Variants in LYN observed in about 807,000 individuals in gnomAD.
LYN encodes LYN proto-oncogene, Src family tyrosine kinase, also known as tyrosine-protein kinase Lyn.
LYN carries 12 observed loss-of-function variants against 65.0 expected under a neutral mutation model. That is an observed-to-expected ratio of 0.18 (90% CI 0.12 to 0.30). The LOEUF (loss-of-function observed/expected upper bound fraction) is 0.30. LYN is among the 10% of genes least tolerant of loss of function. LYN has a pLI of 1.00. For missense variants in LYN, 380 were observed against 623.2 expected (o/e 0.61, Z 4.16); for synonymous variants, 222 against 221.2 (o/e 1.00, Z -0.03).
intron 12 of LYN, among the ~76,000 whole-genome samples, chr8:56,000,466 C>T (rs1409333810): frequency 1.3e-5 from 2 of 151,976 alleles, no homozygotes; most frequent in Middle Eastern, 3.2e-3. Flanking sequence ...CAGTGGCTTA[C>T]ACCTGTAATC....
intron 1 of LYN, among the ~76,000 whole-genome samples, chr8:55,912,657 G>A (rs751691448): frequency 9.9e-5 from 15 of 151,766 alleles, no homozygotes; most frequent in Non-Finnish European, 1.5e-4. Flanking sequence ...AACCTGGGAG[G>A]CAGAGGTTGC....
At chr8:55,990,369 C>T (rs149574097) in intron 10 of LYN, among the ~76,000 whole-genome samples, 8 of 151,276 alleles carry the variant, frequency 5.3e-5, no homozygotes, top group African/African-American at 1.9e-4. Context: ...AGGTTCTTAT[C>T]ATGTAGATGA....
At position 55,989,556 on chromosome 8, in the gene LYN, A is replaced by G. The variant is rs931418079; in HGVS notation, c.1051-8790A>G. Among the ~76,000 whole-genome samples, 4 of 152,164 alleles carry G rather than the reference A, an allele frequency of 2.6e-5. No individual in the cohort carries two copies. The South Asian group carries it at 8.3e-4, about 32-fold the overall frequency. ...GGGCTTGCTGAGCCTACTCACATGGACACTCCCCATTCAGGAAATAGCAAC... is the reference window on the plus strand; with the variant it reads ...GGGCTTGCTGAGCCTACTCACATGGGCACTCCCCATTCAGGAAATAGCAAC... On this transcript the variant is annotated intron_variant, in intron 10 of 12. Transcript: ENST00000519728.
chr8:56,011,574 G>A lies in LYN; in HGVS notation c.*1464G>A, dbSNP rs76155216. 3,822 of 190,018 alleles carry A rather than the reference G, an allele frequency of 0.02. 176 individuals are homozygous for A. Among genetic ancestry groups the A allele is most frequent in the African/African-American group, 0.085 (3,643 of 43,046 alleles). The allele number at this position is 190,018 out of a possible 1,614,324, so 11.8% of individuals were successfully genotyped here. On this transcript the variant is annotated 3_prime_UTR_variant, in exon 13 of 13. Transcript: ENST00000519728. Reference sequence around the variant, plus strand: ...TGATTGCCTGAACACCTGAACATCCGTTTATGGGGGCCAGATAGAATTTGT... The same window carrying A: ...TGATTGCCTGAACACCTGAACATCCATTTATGGGGGCCAGATAGAATTTGT...
intron 1 of LYN, among the ~76,000 whole-genome samples, chr8:55,920,797 G>T (rs905408556): frequency 2.1e-4 from 4 of 18,962 alleles, no homozygotes; most frequent in Middle Eastern, 0.028. Flanking sequence ...CCCCCCCACC[G>T]GGTTCCAGCA....
intron 10 of LYN, among the ~76,000 whole-genome samples, chr8:55,970,767 G>T (rs544696707): frequency 6.6e-6 from 1 of 152,132 alleles, no homozygotes; most frequent in African/African-American, 2.4e-5. Context: ...GGCTAAGCTG[G>T]CATTCAGCAC....
chr8:55,897,196 G>C (rs1461584757), intron 1 of LYN, among the ~76,000 whole-genome samples: 1 of 152,130 alleles, frequency 6.6e-6, no homozygotes, highest in African/African-American at 2.4e-5. Context: ...TCCTGATAAG[G>C]AGCTGAAAAT....
intron 1 of LYN, among the ~76,000 whole-genome samples, chr8:55,888,142 A>C (rs1485010233): frequency 6.6e-6 from 1 of 152,322 alleles, no homozygotes; most frequent in African/African-American, 2.4e-5. Flanking sequence ...TCAGTTTAGC[A>C]AACTTTTCCT....
intron 4 of LYN, among the ~76,000 whole-genome samples, chr8:55,948,980 A>G (rs1373666213): frequency 6.6e-6 from 1 of 152,148 alleles, no homozygotes; most frequent in East Asian, 1.9e-4. Flanking sequence ...TTATAGAGGA[A>G]TGCAGTTAAG....
intron 1 of LYN, among the ~76,000 whole-genome samples, chr8:55,911,450 A>C (rs1326709353): frequency 6.6e-6 from 1 of 150,490 alleles, no homozygotes; most frequent in Non-Finnish European, 1.5e-5. Flanking sequence ...AAAAATTACA[A>C]GGTTAAAATA....
intron 1 of LYN, among the ~76,000 whole-genome samples, chr8:55,941,096 G>A (rs1806596525): frequency 2.0e-5 from 3 of 151,950 alleles, no homozygotes; most frequent in Admixed American, 6.6e-5. Flanking sequence ...ATCTTCCTAG[G>A]CCCCTACCTA....
At chr8:55,949,480 C>T (rs1343191142) in intron 4 of LYN, among the ~76,000 whole-genome samples, 1 of 152,218 alleles carries the variant, frequency 6.6e-6, no homozygotes, top group East Asian at 1.9e-4. Context: ...CTCCACCCGC[C>T]TTCACCATCC....
rs527759138 is a variant in LYN, at chr8:55,914,066, G to A, written c.-5-27789G>A. 5.7e-4 allele frequency among the ~76,000 whole-genome samples: 86 copies of A among 152,074 alleles called. 1 individual carries two copies. Among genetic ancestry groups the A allele is most frequent in the Non-Finnish European group, 9.1e-4 (62 of 68,014 alleles). ...GGAAAGATAAGTGGACTAGCATGCA[G>A]CATGGAGAATGGAGAGGTGGAGGGT... On this transcript the variant is annotated intron_variant, in intron 1 of 12. Transcript: ENST00000519728.
chr8:55,953,407 G>A (rs1489208299), intron 7 of LYN, among the ~76,000 whole-genome samples: 1 of 152,108 alleles, frequency 6.6e-6, no homozygotes, highest in East Asian at 1.9e-4. Flanking sequence ...AGCATTTTGG[G>A]AGGCCGAGGC....
intron 1 of LYN, among the ~76,000 whole-genome samples, chr8:55,917,142 C>T (rs1381988773): frequency 6.7e-6 from 1 of 149,714 alleles, no homozygotes; most frequent in Non-Finnish European, 1.5e-5. Flanking sequence ...CACTATTGCA[C>T]ATCAGCCTGG....
intron 8 of LYN, among the ~76,000 whole-genome samples, chr8:55,960,201 A>G (rs2130510633): frequency 6.6e-6 from 1 of 152,358 alleles, no homozygotes; most frequent in East Asian, 1.9e-4. Flanking sequence ...GCAAATATAT[A>G]AAAGAAATGA....
intron 10 of LYN, among the ~76,000 whole-genome samples, chr8:55,982,090 C>A (rs1217376931): frequency 6.6e-6 from 1 of 152,068 alleles, no homozygotes; most frequent in Non-Finnish European, 1.5e-5. Context: ...GCTAGAGTTC[C>A]CAGGGTGATG....
At chr8:55,987,425 CT>C (rs1808107537) in intron 10 of LYN, among the ~76,000 whole-genome samples, 1 of 149,990 alleles carries the variant, frequency 6.7e-6, no homozygotes, top group Non-Finnish European at 1.5e-5. Flanking sequence ...AAAAAAAAAT[CT>C]TTTCTGTTTA....
chr8:55,914,226 C>T (rs1805723283), intron 1 of LYN, among the ~76,000 whole-genome samples: 1 of 151,714 alleles, frequency 6.6e-6, no homozygotes, highest in Non-Finnish European at 1.5e-5. Flanking sequence ...GTAGGAGGGT[C>T]TGGAGGTCGG....
Sources: allele counts gnomAD v4.1 joint callset (sites outside exome capture counted in the v4.1 genomes callset), GRCh38; gene constraint gnomAD v4.1.1; transcripts MANE v1.5; gene names NCBI Gene and HGNC (gene_info 2026-07-23, HGNC 2026-07-21).